Variants in PGM5 observed in about 807,000 individuals in gnomAD.
The protein encoded by PGM5 is phosphoglucomutase 5, also known as phosphoglucomutase-like protein 5.
In PGM5, 23 loss-of-function variants were observed where a neutral mutation model predicts 59.2. That is an observed-to-expected ratio of 0.39 (90% confidence interval 0.28 to 0.55). The LOEUF is 0.55. PGM5 is among the 20% of genes least tolerant of loss of function. The probability of loss-of-function intolerance (pLI) is 0.66; values close to 1 mark genes in which losing one functional copy is unlikely to be tolerated. For missense variants in PGM5, 574 were observed against 748.3 expected (o/e 0.77, Z 2.72); for synonymous variants, 214 against 286.0 (o/e 0.75, Z 2.54).
rs1018065458 is a variant in PGM5, at chr9:68,530,342, T to C, written c.*686T>C. ...ATTTTGTAAATAGTATTATTTTAGC[T>C]ATTAAGCTGGATACCTTCTTTCAAA... is the stretch of plus-strand genomic sequence containing the variant. On this transcript the variant is annotated 3_prime_UTR_variant, in exon 11 of 11. Transcript: ENST00000396396. 1.3e-5 allele frequency: 2 copies of C among 152,252 alleles called. No individual in the cohort carries two copies. The highest frequency in any genetic ancestry group is 4.8e-5 in the African/African-American group (2 of 41,454). The allele number at this position is 152,252 out of a possible 1,614,324, so 9.4% of individuals were successfully genotyped here.
chr9:68,476,793 G>A (rs1463597445), intron 7 of PGM5, among the ~76,000 whole-genome samples: 1 of 152,080 alleles, frequency 6.6e-6, no homozygotes, highest in Admixed American at 6.5e-5. Flanking sequence ...TGTTGAGGTG[G>A]GTTTTTTTGT....
intron 8 of PGM5, among the ~76,000 whole-genome samples, chr9:68,479,939 A>AG (rs1426257831): frequency 6.6e-6 from 1 of 151,886 alleles, no homozygotes; most frequent in African/African-American, 2.4e-5. Flanking sequence ...AAAAAAAAAA[A>AG]AAGGAGGCAT....
chr9:68,389,287 G>T (rs1264994575), intron 4 of PGM5, among the ~76,000 whole-genome samples: 5 of 151,950 alleles, frequency 3.3e-5, no homozygotes, highest in Non-Finnish European at 5.9e-5. Flanking sequence ...CTCCTGGTAG[G>T]TATACAGTTT....
intron 6 of PGM5, chr9:68,404,914 G>A (rs1207080686): frequency 6.6e-6 from 1 of 152,204 alleles, no homozygotes; most frequent in Non-Finnish European, 1.5e-5. Context: ...ATTGGCCTCA[G>A]GTGAACCGTG....
At chr9:68,447,510 C>T (rs1823632435) in intron 6 of PGM5, among the ~76,000 whole-genome samples, 1 of 152,108 alleles carries the variant, frequency 6.6e-6, no homozygotes, top group Non-Finnish European at 1.5e-5. Context: ...CTCTCTGAGT[C>T]TCAATATCCT....
At chr9:68,400,196 A>C (rs1554680450) in intron 6 of PGM5, among the ~76,000 whole-genome samples, 1 of 152,172 alleles carries the variant, frequency 6.6e-6, no homozygotes, top group African/African-American at 2.4e-5. Context: ...TCCCTTGTTT[A>C]AAATGGGTTA....
At chr9:68,409,113 C>A in intron 6 of PGM5, among the ~76,000 whole-genome samples, 1 of 151,814 alleles carries the variant, frequency 6.6e-6, no homozygotes, top group African/African-American at 2.4e-5. Flanking sequence ...AGCCAAAAAA[C>A]ACATGAAAAA....
At chr9:68,442,175 G>A (rs903276153) in intron 6 of PGM5, among the ~76,000 whole-genome samples, 2 of 152,228 alleles carry the variant, frequency 1.3e-5, no homozygotes, top group African/African-American at 2.4e-5. Context: ...ATTTCCACAG[G>A]ATATTGATAG....
At chr9:68,431,363 C>A (rs1052976239) in intron 6 of PGM5, among the ~76,000 whole-genome samples, 1 of 152,112 alleles carries the variant, frequency 6.6e-6, no homozygotes, top group African/African-American at 2.4e-5. Context: ...TTGGGGTAGA[C>A]AAAGAAGAGA....
chr9:68,403,616 G>T (rs1242308297), intron 6 of PGM5, among the ~76,000 whole-genome samples: 1 of 152,206 alleles, frequency 6.6e-6, no homozygotes, highest in Non-Finnish European at 1.5e-5. Flanking sequence ...ATGATGATGA[G>T]ATGTTAAGTA....
chr9:68,381,313 A>G (rs541137187), intron 2 of PGM5, among the ~76,000 whole-genome samples: 26 of 133,774 alleles, frequency 1.9e-4, no homozygotes, highest in Non-Finnish European at 3.5e-4. Context: ...GGCATTTTAG[A>G]AAGTTCAGCA....
At chr9:68,390,939 C>A (rs1554679388) in intron 4 of PGM5, among the ~76,000 whole-genome samples, 1 of 151,784 alleles carries the variant, frequency 6.6e-6, no homozygotes, top group Non-Finnish European at 1.5e-5. Context: ...ATTACAAGCC[C>A]AGGAATGTAG....
chr9:68,432,956 A>T (rs1048987476), intron 6 of PGM5, among the ~76,000 whole-genome samples: 9 of 152,166 alleles, frequency 5.9e-5, no homozygotes, highest in African/African-American at 2.2e-4. Flanking sequence ...TTATACCATG[A>T]TGGAATCTTG....
At chr9:68,383,983 CCTCTT>C (rs1822149915) in intron 2 of PGM5, among the ~76,000 whole-genome samples, 1 of 151,886 alleles carries the variant, frequency 6.6e-6, no homozygotes, top group African/African-American at 2.4e-5. Flanking sequence ...AGCATAGTCT[CCTCTT>C]CTAGATGCAC....
intron 1 of PGM5, among the ~76,000 whole-genome samples, chr9:68,361,224 C>A (rs1834572759): frequency 6.6e-6 from 1 of 152,188 alleles, no homozygotes; most frequent in African/African-American, 2.4e-5. Context: ...TTCTTCTAAT[C>A]AAGGGACACA....
rs529330711 is a variant in PGM5, at chr9:68,361,120, G to A, written c.261+3732G>A. On this transcript the variant is annotated intron_variant, in intron 1 of 10. Coordinates refer to ENST00000396396, the MANE Select transcript of PGM5 (RefSeq NM_021965.4). ...TTTGTAGAGATGGAGGTCTTACTAC[G>A]TTGCCCAGGCTGGTCTCAAACACCT... 3.9e-5 allele frequency among the ~76,000 whole-genome samples: 6 copies of A among 152,172 alleles called. No individual in the cohort carries two copies. In the East Asian group the frequency reaches 5.8e-4, roughly 15 times the overall value.
intron 1 of PGM5, chr9:68,371,819 G>A (rs560791784): frequency 6.6e-6 from 1 of 152,342 alleles, no homozygotes; most frequent in Non-Finnish European, 1.5e-5. Flanking sequence ...TTGGTAGAGA[G>A]AGGGTGAACA....
intron 2 of PGM5, among the ~76,000 whole-genome samples, chr9:68,380,628 A>G (rs1822044271): frequency 6.6e-6 from 1 of 151,844 alleles, no homozygotes; most frequent in African/African-American, 2.4e-5. Flanking sequence ...GTATAGAAAA[A>G]CTATAGAAAA....
chr9:68,458,556 T>C (rs1554685127), intron 6 of PGM5, among the ~76,000 whole-genome samples: 2 of 152,194 alleles, frequency 1.3e-5, no homozygotes, highest in Non-Finnish European at 2.9e-5. Context: ...ATATCGCAAC[T>C]CTGTAGGCCA....
Sources: allele counts gnomAD v4.1 joint callset (sites outside exome capture counted in the v4.1 genomes callset), GRCh38; gene constraint gnomAD v4.1.1; transcripts MANE v1.5; gene names NCBI Gene and HGNC (gene_info 2026-07-23, HGNC 2026-07-21).